Variants in KLRG2 observed in about 807,000 individuals in gnomAD.
KLRG2 encodes the protein killer cell lectin like receptor G2, also known as killer cell lectin-like receptor subfamily G member 2.
KLRG2 carries 39 observed loss-of-function variants against 35.4 expected under a neutral mutation model. The ratio of observed to expected loss-of-function variants is 1.10; its 90% CI spans 0.85 to 1.44. The LOEUF (loss-of-function observed/expected upper bound fraction) is 1.44. Among genes scored for constraint, KLRG2 ranks in the 40% most tolerant of loss-of-function variants. The probability of loss-of-function intolerance (pLI) is 0.00; values close to 1 mark genes in which losing one functional copy is unlikely to be tolerated. For missense variants in KLRG2, 632 were observed against 570.9 expected (o/e 1.11, Z -1.09); for synonymous variants, 283 against 265.8 (o/e 1.06, Z -0.63).
In KLRG2 at chr7:139,483,398, G is replaced by C; in HGVS notation, c.245C>G (p.Pro82Arg). 1 of 1,541,322 alleles carries C rather than the reference G, an allele frequency of 6.5e-7. No individual in the cohort carries two copies. The highest frequency in any genetic ancestry group is 8.6e-7 in the Non-Finnish European group (1 of 1,156,440). Residue 82 changes from proline (P) to arginine (R), a missense_variant, in exon 1 of 5, where the codon CCG becomes CGG. Pro to Arg is a moderately radical substitution (Grantham distance 103). Transcript: ENST00000340940. The part of the protein sequence containing the change: ...SPRPGSPRVP[P>R]LSLGYGVCPE... ...GCAGACCCCGTAGCCCAGGCTGAGC[G>C]GCGGCACGCGCGGGGACCCGGGGCG...
At chr7:139,468,834 G>T (rs111621581) in intron 3 of KLRG2, among the ~76,000 whole-genome samples, 1 of 152,278 alleles carries the variant, frequency 6.6e-6, no homozygotes, top group African/African-American at 2.4e-5. Context: ...TTGGAGTCAC[G>T]CTTTTAAAGA....
At chr7:139,443,078 G>A in the KLRG2 span, among the ~76,000 whole-genome samples, 7 of 149,432 alleles carry the variant, frequency 4.7e-5, no homozygotes, top group Non-Finnish European at 8.9e-5. Context: ...CAAAAATAAT[G>A]GAACAGGAAA....
rs978962518 is a variant in KLRG2 at position 139,453,486 on chromosome 7, G to T, written c.*101C>A. 26 of 1,300,482 alleles carry T rather than the reference G, an allele frequency of 2.0e-5. No individual in the cohort carries two copies. Among genetic ancestry groups the T allele is most frequent in the Non-Finnish European group, 2.5e-5 (24 of 943,034 alleles). The allele number at this position is 1,300,482 out of a possible 1,614,324, so 80.6% of individuals were successfully genotyped here. ...CCCTTGAGCAGAGCATGAAGACCTG[G>T]ATAACTGGGTCCAGGAAGAGGCTGC... On this transcript the variant is annotated 3_prime_UTR_variant, in exon 5 of 5. Coordinates refer to ENST00000340940, the MANE Select transcript of KLRG2 (RefSeq NM_198508.4).
At chr7:139,449,319 G>A (rs949952573), downstream of KLRG2, among the ~76,000 whole-genome samples, 4 of 144,600 alleles carry the variant, frequency 2.8e-5, no homozygotes, top group Non-Finnish European at 6.1e-5. Flanking sequence ...GCGAATCACT[G>A]GAACCTGGGA....
At chr7:139,429,879 C>T in the KLRG2 span, among the ~76,000 whole-genome samples, 3 of 152,170 alleles carry the variant, frequency 2.0e-5, no homozygotes, top group African/African-American at 7.2e-5. Flanking sequence ...TCTCAATGAG[C>T]TGTTGAGTAC....
At chr7:139,474,264 G>A (rs2116469474) in intron 3 of KLRG2, among the ~76,000 whole-genome samples, 1 of 152,166 alleles carries the variant, frequency 6.6e-6, no homozygotes, top group African/African-American at 2.4e-5. Flanking sequence ...GACCTCAAGT[G>A]ATCCATCTGC....
At chr7:139,463,957 C>T (rs1796611223) in intron 3 of KLRG2, among the ~76,000 whole-genome samples, 1 of 152,110 alleles carries the variant, frequency 6.6e-6, no homozygotes, top group South Asian at 2.1e-4. Flanking sequence ...GGCTTCTAGA[C>T]CTCTTAAAAC....
At chr7:139,437,818 T>C in the KLRG2 span, among the ~76,000 whole-genome samples, 2 of 152,178 alleles carry the variant, frequency 1.3e-5, no homozygotes, top group African/African-American at 2.4e-5. Flanking sequence ...ACAGGAGGGA[T>C]TGTGTGTTTG....
chr7:139,457,577 CAT>C (rs1282487368), intron 3 of KLRG2, among the ~76,000 whole-genome samples: 2 of 152,302 alleles, frequency 1.3e-5, no homozygotes, highest in East Asian at 3.9e-4. Context: ...TCGCGTCTGA[CAT>C]GTGATGGGCA....
intron 3 of KLRG2, 147 bp downstream of exon 3, chr7:139,479,480 G>A (rs1796914376): frequency 1.3e-6 from 1 of 796,420 alleles, no homozygotes; most frequent in South Asian, 1.7e-5. Context: ...GTTAGAGGCT[G>A]CACGAAGTTA....
chr7:139,454,858 T>C (rs1397828272), intron 3 of KLRG2, among the ~76,000 whole-genome samples: 2 of 123,426 alleles, frequency 1.6e-5, no homozygotes, highest in African/African-American at 7.1e-5. Flanking sequence ...ATAATAATAA[T>C]AATAATAACA....
Position 139,453,666 on chromosome 7 carries a change from C to T in KLRG2, c.1151G>A (p.Gly384Glu), listed in dbSNP as rs1218084165. Residue 384 changes from glycine (G) to glutamate (E), a missense_variant, in exon 5 of 5, where the codon GGG becomes GAG. Gly to Glu is a moderately conservative substitution (Grantham distance 98). Transcript: ENST00000340940. ...CACCAGCGTGCCTTCCTCCAGGGCC[C>T]CACAGTTGATATCCAGATTGTCCTC... Reference protein sequence around the residue: ...DGEDNLDINCGALEEGTLVAA... With the variant: ...DGEDNLDINCEALEEGTLVAA... The T allele has an allele frequency of 2.5e-6, 4 of 1,614,058 alleles. No homozygotes were observed. Among genetic ancestry groups the T allele is most frequent in the Non-Finnish European group, 3.4e-6 (4 of 1,179,996 alleles).
At chr7:139,464,556 C>A (rs1796618616) in intron 3 of KLRG2, among the ~76,000 whole-genome samples, 1 of 152,156 alleles carries the variant, frequency 6.6e-6, no homozygotes, top group African/African-American at 2.4e-5. Flanking sequence ...AATCCTAAAT[C>A]CTTTCCCCAC....
At chr7:139,450,737 A>T (rs1030896823), downstream of KLRG2, among the ~76,000 whole-genome samples, 1 of 152,186 alleles carries the variant, frequency 6.6e-6, no homozygotes, top group Non-Finnish European at 1.5e-5. Context: ...CAGTAAGTAC[A>T]TCTGTTCTGC....
Position 139,483,614 on chromosome 7 carries a change from C to A in KLRG2, c.29G>T (p.Gly10Val). 1.3e-6 allele frequency: 2 copies of A among 1,575,132 alleles called. No individual in the cohort carries two copies. The highest frequency in any genetic ancestry group is 1.7e-6 in the Non-Finnish European group (2 of 1,169,410). Residue 10 changes from glycine to valine, a missense_variant, in exon 1 of 5, where the codon GGA becomes GTA. Coordinates refer to ENST00000340940, the MANE Select transcript of KLRG2 (RefSeq NM_198508.4). MEESWEAAPGGQAGAELPME... is the reference protein window; with the variant it reads MEESWEAAPVGQAGAELPME... Reference sequence around the variant, plus strand: ...TGGGAGCTCTGCCCCGGCTTGGCCTCCGGGCGCAGCCTCCCAAGACTCCTC... The same window carrying A: ...TGGGAGCTCTGCCCCGGCTTGGCCTACGGGCGCAGCCTCCCAAGACTCCTC...
At chr7:139,481,365 A>T (rs1257343670) in intron 1 of KLRG2, among the ~76,000 whole-genome samples, 2 of 152,212 alleles carry the variant, frequency 1.3e-5, no homozygotes, top group African/African-American at 4.8e-5. Context: ...CTAATATTCC[A>T]TCACACAGAA....
downstream of KLRG2, among the ~76,000 whole-genome samples, chr7:139,451,864 G>GCTAC (rs1408248077): frequency 6.6e-6 from 1 of 152,120 alleles, no homozygotes; most frequent in Non-Finnish European, 1.5e-5. Flanking sequence ...GGGGATGGGG[G>GCTAC]CGGTAACATA....
At chr7:139,445,781 G>GTGTATATATATATATA in the KLRG2 span, among the ~76,000 whole-genome samples, 37 of 98,480 alleles carry the variant, frequency 3.8e-4, 2 homozygotes, top group South Asian at 8.0e-4. Context: ...ATATATATAT[G>GTGTATATATATATATA]TATATATATA....
At chr7:139,441,566 G>A in the KLRG2 span, among the ~76,000 whole-genome samples, 12,448 of 151,958 alleles carry the variant, frequency 0.082, 1,704 homozygotes, top group African/African-American at 0.28. Flanking sequence ...ATAAACCTAT[G>A]TAACAAACCT....
Sources: gnomAD v4.1 joint callset for allele counts (sites outside exome capture counted in the v4.1 genomes callset) on GRCh38, gnomAD v4.1.1 for gene constraint, MANE v1.5 for transcripts, NCBI Gene and HGNC (gene_info 2026-07-23, HGNC 2026-07-21) for gene names.